The following NLK variants were observed in gnomAD, a reference collection of about 807,000 sequenced individuals.
NLK encodes serine/threonine-protein kinase NLK.
A neutral mutation model predicts 59.0 loss-of-function variants in NLK; 11 were observed. The observed-to-expected ratio is 0.19, with a 90% CI of 0.12 to 0.31. NLK has a LOEUF of 0.31. Among genes scored for constraint, NLK ranks in the 10% least tolerant of loss-of-function variants. The pLI, the probability that NLK is intolerant of heterozygous loss-of-function variation, is 1.00. For synonymous variants in NLK, 235 were observed against 235.9 expected (o/e 1.00, Z 0.03); for missense variants, 410 against 661.1 (o/e 0.62, Z 4.16).
At chr17:28,162,102 G>A (rs992086767) in intron 4 of NLK, among the ~76,000 whole-genome samples, 2 of 151,910 alleles carry the variant, frequency 1.3e-5, no homozygotes, top group Non-Finnish European at 1.5e-5. Flanking sequence ...TGCAAGATTC[G>A]CCTCCCAGGT....
At chr17:28,130,471 A>T (rs578094412) in intron 2 of NLK, among the ~76,000 whole-genome samples, 11 of 152,346 alleles carry the variant, frequency 7.2e-5, no homozygotes, top group Admixed American at 4.6e-4. Context: ...TTTTGAACTA[A>T]CAATCACAGC....
chr17:28,165,552 A>G (rs902951997), intron 5 of NLK, among the ~76,000 whole-genome samples: 1 of 152,208 alleles, frequency 6.6e-6, no homozygotes, highest in African/African-American at 2.4e-5. Flanking sequence ...AAACATACAA[A>G]TTCATTGAAG....
chr17:28,203,889 G>A, the NLK span, among the ~76,000 whole-genome samples: 1 of 152,166 alleles, frequency 6.6e-6, no homozygotes, highest in Non-Finnish European at 1.5e-5. Flanking sequence ...GGGCTGTCTT[G>A]TATCCAGGCT....
intron 1 of NLK, among the ~76,000 whole-genome samples, chr17:28,083,476 G>A (rs1910414791): frequency 6.6e-6 from 1 of 152,128 alleles, no homozygotes; most frequent in African/African-American, 2.4e-5. Flanking sequence ...AAAATATAGT[G>A]TCTGAGCCTT....
intron 1 of NLK, among the ~76,000 whole-genome samples, chr17:28,081,457 G>A (rs1204517587): frequency 2.0e-5 from 3 of 152,022 alleles, no homozygotes; most frequent in African/African-American, 4.8e-5. Flanking sequence ...TTTGGTAGGT[G>A]TTAGTAATTA....
intron 3 of NLK, among the ~76,000 whole-genome samples, chr17:28,159,110 C>T (rs2142045892): frequency 6.6e-6 from 1 of 152,194 alleles, no homozygotes; most frequent in Admixed American, 6.5e-5. Context: ...GAAGTACAGT[C>T]CATGCAGAGG....
rs111548621 is a variant in NLK, at chr17:28,059,910, C to A, written c.458+16579C>A. ...ACAGATAAAATAGGTGTTAGATAAC[C>A]TTAAGAGCATAAATCATAATAAAAT... On this transcript the variant is annotated intron_variant, in intron 1 of 10. Coordinates refer to ENST00000407008, the MANE Select transcript of NLK (RefSeq NM_016231.5). Among the ~76,000 whole-genome samples, 5 of 152,084 alleles carry A rather than the reference C, an allele frequency of 3.3e-5. 1 individual carries two copies. Among genetic ancestry groups the A allele is most frequent in the African/African-American group, 1.2e-4 (5 of 41,426 alleles).
intron 6 of NLK, among the ~76,000 whole-genome samples, chr17:28,170,081 A>T (rs1466280262): frequency 2.6e-5 from 4 of 152,138 alleles, no homozygotes; most frequent in Non-Finnish European, 5.9e-5. Context: ...TAAGGCAGTA[A>T]GATGCTGGAG....
At chr17:28,131,882 A>G (rs1906534441) in intron 2 of NLK, among the ~76,000 whole-genome samples, 1 of 152,128 alleles carries the variant, frequency 6.6e-6, no homozygotes. Flanking sequence ...GCTTAGTATG[A>G]TTTAAAGAGA....
At chr17:28,193,588 T>A (rs1909386487) in intron 10 of NLK, among the ~76,000 whole-genome samples, 1 of 152,192 alleles carries the variant, frequency 6.6e-6, no homozygotes, top group Non-Finnish European at 1.5e-5. Context: ...CTGGCTCCAG[T>A]ATCACAAAGC....
At chr17:28,115,399 C>T (rs1036751040) in intron 1 of NLK, among the ~76,000 whole-genome samples, 5 of 152,222 alleles carry the variant, frequency 3.3e-5, no homozygotes, top group African/African-American at 1.2e-4. Flanking sequence ...AGCTTAATAA[C>T]TGATACAACC....
intron 1 of NLK, 120 bp downstream of exon 1, chr17:28,043,451 C>G (rs1908943231): frequency 2.4e-6 from 2 of 846,304 alleles, no homozygotes; most frequent in Non-Finnish European, 3.6e-6. Context: ...CTCAACCCAA[C>G]TGTAGGAAGC....
chr17:28,084,904 T>A (rs1910462113), intron 1 of NLK, among the ~76,000 whole-genome samples: 1 of 152,222 alleles, frequency 6.6e-6, no homozygotes, highest in African/African-American at 2.4e-5. Context: ...TGTTCCATGC[T>A]GCGCAAAAGT....
chr17:28,132,426 T>C (rs1346205096), intron 2 of NLK, among the ~76,000 whole-genome samples, 194 bp from the exon 3 acceptor site: 1 of 152,198 alleles, frequency 6.6e-6, no homozygotes, highest in Non-Finnish European at 1.5e-5. Flanking sequence ...ATTTTGTAAG[T>C]CTTTTGGATA....
At chr17:28,182,259 TTTTG>T (rs574908291) in intron 7 of NLK, among the ~76,000 whole-genome samples, 4 of 152,146 alleles carry the variant, frequency 2.6e-5, no homozygotes, top group East Asian at 1.9e-4. Flanking sequence ...TTGGTGTTGT[TTTTG>T]TTTGTTTGTT....
intron 2 of NLK, among the ~76,000 whole-genome samples, chr17:28,123,960 G>C (rs1490219540): frequency 1.3e-5 from 2 of 152,088 alleles, no homozygotes; most frequent in African/African-American, 4.8e-5. Context: ...TTTCTCATGA[G>C]TCTGAGTGCT....
chr17:28,119,564 T>C (rs1905931181), intron 1 of NLK, among the ~76,000 whole-genome samples: 1 of 152,188 alleles, frequency 6.6e-6, no homozygotes, highest in Non-Finnish European at 1.5e-5. Context: ...TATCTCATGT[T>C]TAAAAACTAA....
intron 3 of NLK, among the ~76,000 whole-genome samples, chr17:28,158,897 G>C (rs1303425788): frequency 6.6e-6 from 1 of 152,122 alleles, no homozygotes; most frequent in East Asian, 1.9e-4. Flanking sequence ...TAGTCACCAA[G>C]ACACCCCTAG....
intron 1 of NLK, among the ~76,000 whole-genome samples, chr17:28,121,863 C>T (rs1906076707): frequency 6.6e-6 from 1 of 151,920 alleles, no homozygotes; most frequent in East Asian, 1.9e-4. Context: ...ACAGAAACCA[C>T]ACTCCTATTT....
Sources: allele counts gnomAD v4.1 joint callset (sites outside exome capture counted in the v4.1 genomes callset), GRCh38; gene constraint gnomAD v4.1.1; transcripts MANE v1.5; gene names NCBI Gene and HGNC (gene_info 2026-07-23, HGNC 2026-07-21).